The following CDH4 variants were observed in gnomAD, a reference collection of about 807,000 sequenced individuals.
The protein encoded by CDH4 is cadherin-4.
CDH4 carries 33 observed loss-of-function variants against 86.0 expected under a neutral mutation model. The ratio of observed to expected loss-of-function variants is 0.38; its 90% CI spans 0.29 to 0.51. The LOEUF is 0.51. CDH4 is among the 20% of genes least tolerant of loss of function. CDH4 has a pLI of 0.86. For missense variants in CDH4, 1,114 were observed against 1,307.4 expected (o/e 0.85, Z 2.28); for synonymous variants, 555 against 549.4 (o/e 1.01, Z -0.14).
chr20:61,743,454 G>A (rs574323424), intron 2 of CDH4, 109 bp from the exon 3 acceptor site: 10 of 770,448 alleles, frequency 1.3e-5, no homozygotes, highest in East Asian at 8.0e-5. Flanking sequence ...CAAACCTCAT[G>A]CCCCTCATGC....
intron 2 of CDH4, among the ~76,000 whole-genome samples, chr20:61,658,255 C>T (rs2087213533): frequency 6.6e-6 from 1 of 151,746 alleles, no homozygotes; most frequent in African/African-American, 2.4e-5. Context: ...CTCCATCGCA[C>T]CTGCAACCCC....
At chr20:61,854,118 T>C (rs1180029476) in intron 6 of CDH4, among the ~76,000 whole-genome samples, 5 of 152,170 alleles carry the variant, frequency 3.3e-5, no homozygotes, top group Non-Finnish European at 2.9e-5. Context: ...AGTGACGGCT[T>C]CCAGGCTTTA....
chr20:61,655,670 G>T (rs2087179473), intron 2 of CDH4, among the ~76,000 whole-genome samples: 1 of 152,242 alleles, frequency 6.6e-6, no homozygotes, highest in Non-Finnish European at 1.5e-5. Flanking sequence ...TGTTCCATCA[G>T]TTGGTCAGCT....
intron 2 of CDH4, among the ~76,000 whole-genome samples, chr20:61,339,225 C>A (rs1246239515): frequency 6.6e-6 from 1 of 152,106 alleles, no homozygotes; most frequent in Non-Finnish European, 1.5e-5. Context: ...TGAACATGAA[C>A]AGAGAGGACA....
intron 2 of CDH4, among the ~76,000 whole-genome samples, chr20:61,588,317 G>A (rs6121711): frequency 0.049 from 7,531 of 152,268 alleles, 346 homozygotes; most frequent in African/African-American, 0.12. Flanking sequence ...AGGTCTCGCA[G>A]CCTCCATCAG....
rs570636246 is a variant in CDH4 at position 61,663,809 on chromosome 20, G to T, written c.170-79754G>T. ...GCACAATGTGGGCACCACTGAACAC[G>T]GGGTAAACCAATCACCAGTCACTCC... On this transcript the variant is annotated intron_variant, in intron 2 of 15. Transcript: ENST00000614565. This position sits in a 1 kb window ranked among gnomAD's most constrained non-coding sequence, Gnocchi z 5.0. Among the ~76,000 whole-genome samples the T allele has an allele frequency of 1.7e-4, 26 of 152,258 alleles. 1 individual carries two copies. The highest frequency in any genetic ancestry group is 7.8e-4 in the Admixed American group (12 of 15,298).
intron 5 of CDH4, among the ~76,000 whole-genome samples, chr20:61,851,999 A>C (rs1021344853): frequency 6.6e-6 from 1 of 152,352 alleles, no homozygotes; most frequent in African/African-American, 2.4e-5. Context: ...CCAGAACTTA[A>C]GGGGTGACTC....
intron 2 of CDH4, among the ~76,000 whole-genome samples, chr20:61,713,253 C>T (rs975967562): frequency 1.3e-5 from 2 of 152,226 alleles, no homozygotes; most frequent in Non-Finnish European, 1.5e-5. Flanking sequence ...AGGTGCACAT[C>T]CTGTACCCTT....
chr20:61,394,798 C>CA (rs1165805612), intron 2 of CDH4, among the ~76,000 whole-genome samples: 4 of 148,376 alleles, frequency 2.7e-5, no homozygotes, highest in Non-Finnish European at 5.9e-5. Context: ...TTCGTACTTT[C>CA]AAAAAAACAT....
intron 2 of CDH4, among the ~76,000 whole-genome samples, chr20:61,609,566 G>A (rs888849591): frequency 6.6e-6 from 1 of 152,190 alleles, no homozygotes; most frequent in Admixed American, 6.5e-5. Flanking sequence ...TGGAGAGAAG[G>A]TGGAGACCCA....
At chr20:61,912,747 G>T (rs565635139) in intron 9 of CDH4, among the ~76,000 whole-genome samples, 1 of 152,350 alleles carries the variant, frequency 6.6e-6, no homozygotes, top group African/African-American at 2.4e-5. Flanking sequence ...AATTTTCAGA[G>T]TGAGGTATTA....
chr20:61,866,520 T>C lies in CDH4; in HGVS notation c.878-7208T>C, dbSNP rs1199269363. On this transcript the variant is annotated intron_variant, in intron 6 of 15. Coordinates refer to ENST00000614565, the MANE Select transcript of CDH4 (RefSeq NM_001794.5). ...TATTTTAAAGTAGCTTTTGCACATTTGACATGTGGAAAATGTCTTCCTTTC... is the reference window on the plus strand; with the variant it reads ...TATTTTAAAGTAGCTTTTGCACATTCGACATGTGGAAAATGTCTTCCTTTC... Among the ~76,000 whole-genome samples the C allele has an allele frequency of 6.6e-5, 10 of 152,312 alleles. No individual in the cohort carries two copies. The East Asian group carries it at 1.4e-3, about 21-fold the overall frequency.
chr20:61,841,079 C>T (rs796961306), intron 4 of CDH4, among the ~76,000 whole-genome samples: 12 of 152,334 alleles, frequency 7.9e-5, no homozygotes, highest in African/African-American at 2.6e-4. Flanking sequence ...CCCATCCTTC[C>T]GGCTGCTGCA....
intron 9 of CDH4, among the ~76,000 whole-genome samples, chr20:61,914,200 G>T (rs1467875290): frequency 6.6e-6 from 1 of 152,164 alleles, no homozygotes; most frequent in Non-Finnish European, 1.5e-5. Context: ...AAGGGAAGTG[G>T]AGCATGGGGA....
chr20:61,363,123 C>T (rs945262455), intron 2 of CDH4, among the ~76,000 whole-genome samples: 3 of 152,156 alleles, frequency 2.0e-5, no homozygotes, highest in African/African-American at 7.2e-5. Context: ...AGAATTGTGT[C>T]TGGGTTCCAG....
intron 2 of CDH4, among the ~76,000 whole-genome samples, chr20:61,720,982 G>A (rs191399831): frequency 2.0e-4 from 31 of 152,220 alleles, no homozygotes; most frequent in African/African-American, 1.2e-4. Flanking sequence ...GGTCAGATCC[G>A]ACGTTCCGAG....
intron 9 of CDH4, among the ~76,000 whole-genome samples, chr20:61,916,724 C>T (rs898069890): frequency 2.0e-5 from 3 of 152,226 alleles, no homozygotes; most frequent in Non-Finnish European, 2.9e-5. Flanking sequence ...TCACTGCTCC[C>T]AACCTTCAGT....
At chr20:61,481,907 C>A (rs2085570442) in intron 2 of CDH4, among the ~76,000 whole-genome samples, 1 of 152,162 alleles carries the variant, frequency 6.6e-6, no homozygotes, top group African/African-American at 2.4e-5. Flanking sequence ...TTTTTCAGTT[C>A]CATACATATC....
At chr20:61,458,967 T>C (rs893060122) in intron 2 of CDH4, among the ~76,000 whole-genome samples, 6 of 151,878 alleles carry the variant, frequency 4.0e-5, no homozygotes, top group Non-Finnish European at 8.8e-5. Flanking sequence ...TTTTTTTTTT[T>C]TTTCCTTCTG....
Sources: gnomAD v4.1 joint callset for allele counts (sites outside exome capture counted in the v4.1 genomes callset) on GRCh38, gnomAD v4.1.1 for gene constraint, Gnocchi (gnomAD v3.1) non-coding constraint, MANE v1.5 for transcripts, NCBI Gene and HGNC (gene_info 2026-07-23, HGNC 2026-07-21) for gene names.